Variants in C1orf87 observed in about 807,000 individuals in gnomAD.
C1orf87 encodes the protein uncharacterized protein C1orf87.
In C1orf87, 58 loss-of-function variants were observed where a neutral mutation model predicts 60.5. That is an observed-to-expected ratio of 0.96 (90% CI 0.78 to 1.19). The LOEUF (loss-of-function observed/expected upper bound fraction) is 1.19, where lower values mean the gene tolerates loss of function less well. C1orf87 is among the 50% of genes most tolerant of loss of function. C1orf87 has a pLI of 0.00. For synonymous variants in C1orf87, 236 were observed against 227.4 expected, an observed-to-expected ratio of 1.04 and a Z score of -0.34; for missense variants, 673 against 638.6, an observed-to-expected ratio of 1.05 and a Z score of -0.58.
In C1orf87 at chr1:60,033,487, G is replaced by A. The variant is rs146984640; in HGVS notation, c.1018C>T (p.Pro340Ser). ...KEDRSFSGCL[P>S]LPKVRAICGK... ...TGAATTTTGGTTACCTTAGGTAGAG[G>A]GAGGCAGCCAGAGAACGAGCGATCT... The change falls in exon 7 of 12, where the codon CCT becomes TCT. Residue 340 changes from proline (P) to serine (S), a missense_variant. Physicochemically the swap from Pro to Ser is moderately conservative, Grantham distance 74. Transcript: ENST00000371201. 1.3e-5 allele frequency: 21 copies of A among 1,613,510 alleles called. No homozygotes were observed. The African/African-American group carries it at 2.5e-4, about 19-fold the overall frequency.
intron 11 of C1orf87, among the ~76,000 whole-genome samples, chr1:59,997,020 T>C (rs868626148): frequency 2.0e-4 from 30 of 152,126 alleles, no homozygotes; most frequent in Admixed American, 7.2e-4. Flanking sequence ...CTCAGGGGAA[T>C]TGTGTTTGAA....
In C1orf87 at chr1:60,026,496, AG is replaced by A. The variant is rs151304087; in HGVS notation, c.1030-999del. Among the ~76,000 whole-genome samples the A allele has an allele frequency of 2.6e-3, 393 of 151,942 alleles. 4 individuals are homozygous for A. Among genetic ancestry groups the A allele is most frequent in the African/African-American group, 8.9e-3 (369 of 41,484 alleles). ...AGAGAGAGAGGAAAGAAGAGAGAAG[AG>A]GGGAGAGTACAGAAGAAGGAAAATA... On this transcript the variant is annotated intron_variant, in intron 7 of 11. Coordinates refer to ENST00000371201, the MANE Select transcript of C1orf87 (RefSeq NM_152377.3).
intron 8 of C1orf87, among the ~76,000 whole-genome samples, chr1:60,019,792 G>C (rs1645149811): frequency 6.6e-6 from 1 of 152,170 alleles, no homozygotes; most frequent in Admixed American, 6.5e-5. Context: ...GTGGAACTTT[G>C]AACTTGAGAG....
chr1:59,997,905 A>G lies in C1orf87; in HGVS notation c.1273-89T>C, dbSNP rs1300959402. 3.2e-6 allele frequency: 4 copies of G among 1,254,490 alleles called. No individual in the cohort carries two copies. The African/African-American group carries it at 6.0e-5, about 19-fold the overall frequency. The allele number at this position is 1,254,490 out of a possible 1,614,324, so 77.7% of individuals were successfully genotyped here. ...CAAAGATGAGGCCACACAACTAGCA[A>G]GATTTATAGCAAGGTTTGAGTTTGG... On this transcript the variant is annotated intron_variant, in intron 10 of 11. Coordinates refer to ENST00000371201, the MANE Select transcript of C1orf87 (RefSeq NM_152377.3).
chr1:60,068,905 T>G (rs1030034320), intron 2 of C1orf87, among the ~76,000 whole-genome samples: 8 of 152,216 alleles, frequency 5.3e-5, no homozygotes, highest in Non-Finnish European at 1.2e-4. Flanking sequence ...CATCTGGATG[T>G]TATTTTAACA....
At chr1:60,068,291 A>G (rs1173474319) in intron 2 of C1orf87, among the ~76,000 whole-genome samples, 1 of 152,190 alleles carries the variant, frequency 6.6e-6, no homozygotes, top group Non-Finnish European at 1.5e-5. Flanking sequence ...ACACTTCTCC[A>G]AAGATAGCCT....
chr1:59,993,782 G>A (rs1644943466), intron 11 of C1orf87, among the ~76,000 whole-genome samples: 1 of 146,498 alleles, frequency 6.8e-6, no homozygotes, highest in Admixed American at 6.8e-5. Flanking sequence ...TTTTGAGATG[G>A]AGTTTTGCTC....
intron 2 of C1orf87, 39 bp downstream of exon 2, chr1:60,072,498 C>T: frequency 9.0e-6 from 13 of 1,436,870 alleles, no homozygotes; most frequent in Non-Finnish European, 1.2e-5. Flanking sequence ...ACTTCATTAT[C>T]ATCCAAGCAA....
chr1:60,019,858 G>A (rs554030872), intron 8 of C1orf87, among the ~76,000 whole-genome samples: 2 of 152,308 alleles, frequency 1.3e-5, no homozygotes, highest in Non-Finnish European at 2.9e-5. Flanking sequence ...CATTCAAGAT[G>A]TGACCTGGCT....
intron 3 of C1orf87, among the ~76,000 whole-genome samples, chr1:60,046,420 T>G: frequency 7.7e-6 from 1 of 129,822 alleles, no homozygotes; most frequent in African/African-American, 2.8e-5. Flanking sequence ...CCTCCCTCCC[T>G]TCCTCCTTCC....
intron 11 of C1orf87, among the ~76,000 whole-genome samples, chr1:59,995,722 T>G (rs1422415667): frequency 2.6e-5 from 4 of 152,176 alleles, no homozygotes; most frequent in African/African-American, 7.2e-5. Flanking sequence ...CTTGAACTCT[T>G]ATTTGTGCCT....
At chr1:60,044,637 G>A (rs771230434) in intron 3 of C1orf87, among the ~76,000 whole-genome samples, 4 of 152,102 alleles carry the variant, frequency 2.6e-5, no homozygotes, top group Non-Finnish European at 4.4e-5. Flanking sequence ...CCAGCTGCAG[G>A]CTGGGCTTCA....
In C1orf87 at chr1:60,039,946, T is replaced by G. The variant is rs1209626685; in HGVS notation, c.718A>C (p.Arg240=). ...QLPTVKILCQ[R]FSKRGSPEMV... ...TCAGGAGAACCCCTCTTAGAAAATCTCTGACAAAGGATTTTAACTGTTGGT... is the reference window on the plus strand; with the variant it reads ...TCAGGAGAACCCCTCTTAGAAAATCGCTGACAAAGGATTTTAACTGTTGGT... The change falls in exon 5 of 12, where the codon AGA becomes CGA. Residue 240 remains arginine (R), a synonymous_variant. Transcript: ENST00000371201. 2 of 1,613,924 alleles carry G rather than the reference T, an allele frequency of 1.2e-6. No individual in the cohort carries two copies. The highest frequency in any genetic ancestry group is 1.7e-5 in the Admixed American group (1 of 59,986).
intron 2 of C1orf87, among the ~76,000 whole-genome samples, chr1:60,066,211 A>G (rs1157007691): frequency 1.3e-5 from 2 of 152,126 alleles, no homozygotes; most frequent in Non-Finnish European, 2.9e-5. Flanking sequence ...AGTTTGCTGC[A>G]TCTATTGACT....
chr1:60,000,726 A>T (rs1468039632), intron 10 of C1orf87, among the ~76,000 whole-genome samples: 1 of 152,062 alleles, frequency 6.6e-6, no homozygotes, highest in Non-Finnish European at 1.5e-5. Context: ...ATGTTAAAAT[A>T]GATCTCATAA....
At chr1:60,046,009 T>C (rs1050680783) in intron 3 of C1orf87, among the ~76,000 whole-genome samples, 4 of 152,234 alleles carry the variant, frequency 2.6e-5, no homozygotes, top group South Asian at 2.1e-4. Context: ...ATAGTTTGTA[T>C]ATTCAAAATA....
At chr1:60,034,138 C>T (rs145459695) in intron 6 of C1orf87, among the ~76,000 whole-genome samples, 47 of 152,296 alleles carry the variant, frequency 3.1e-4, no homozygotes, top group African/African-American at 1.1e-3. Flanking sequence ...AGCTGGATTT[C>T]CTGCATTAAC....
intron 9 of C1orf87, among the ~76,000 whole-genome samples, chr1:60,002,737 C>T (rs1295326248): frequency 6.6e-6 from 1 of 151,992 alleles, no homozygotes; most frequent in African/African-American, 2.4e-5. Flanking sequence ...TAATGCCTAG[C>T]CATCAGAGAA....
rs1266617716 is a variant in C1orf87, at chr1:59,990,777, T to G, written c.1537A>C (p.Asn513His). 6.2e-7 allele frequency: 1 copy of G among 1,614,074 alleles called. No individual in the cohort carries two copies. The highest frequency in any genetic ancestry group is 8.5e-7 in the Non-Finnish European group (1 of 1,179,954). Reference protein sequence around the residue: ...RLIHNYNLIYNLSLSPQKIDQ... With the variant: ...RLIHNYNLIYHLSLSPQKIDQ... ...ATTTTCTGAGGGCTCAGGGACAGGT[T>G]GTAAATGAGATTGTAGTTGTGAATG... Residue 513 changes from asparagine (N) to histidine (H), a missense_variant, in exon 12 of 12, where the codon AAC becomes CAC. Coordinates refer to ENST00000371201, the MANE Select transcript of C1orf87 (RefSeq NM_152377.3).
Sources: gnomAD v4.1 joint callset for allele counts (sites outside exome capture counted in the v4.1 genomes callset) on GRCh38, gnomAD v4.1.1 for gene constraint, MANE v1.5 for transcripts, NCBI Gene and HGNC (gene_info 2026-07-23, HGNC 2026-07-21) for gene names.